The following QSOX2 variants were observed in gnomAD, a reference collection of about 807,000 sequenced individuals.
The protein encoded by QSOX2 is quiescin sulfhydryl oxidase 2.
QSOX2 carries 46 observed loss-of-function variants against 61.7 expected under a neutral mutation model. The ratio of observed to expected loss-of-function variants is 0.75; its 90% CI spans 0.59 to 0.95. QSOX2 has a LOEUF of 0.95. Among genes scored for constraint, QSOX2 ranks in the 40% least tolerant of loss-of-function variants. The probability of loss-of-function intolerance (pLI) is 0.00; values close to 1 mark genes in which losing one functional copy is unlikely to be tolerated. For missense variants in QSOX2, 879 were observed against 918.9 expected, an observed-to-expected ratio of 0.96 and a Z score of 0.56; for synonymous variants, 383 against 388.4, an observed-to-expected ratio of 0.99 and a Z score of 0.16.
rs983116431 is a variant in QSOX2, at chr9:136,211,566, A to T, written c.1361-114T>A. ...TCCTGACATGTCGGGAAGCCACCTC[A>T]TGTCTCCCCAGGGGCCTCAGGCTGT... On this transcript the variant is annotated intron_variant, in intron 10 of 11. Coordinates refer to ENST00000358701, the MANE Select transcript of QSOX2 (RefSeq NM_181701.4). 1.8e-5 allele frequency: 18 copies of T among 1,016,444 alleles called. No individual in the cohort carries two copies. In the African/African-American group the frequency reaches 2.7e-4, roughly 15 times the overall value. 63.0% of individuals were successfully genotyped at this position (1,016,444 alleles called of 1,614,324 possible). A position where few individuals can be genotyped will look rare whatever the true frequency, so the allele number is the denominator to read the frequency against.
rs145948763 is a variant in QSOX2, at chr9:136,211,374, C to G, written c.1439G>C (p.Gly480Ala). Residue 480 changes from glycine (G) to alanine (A), a missense_variant, in exon 11 of 12, where the codon GGT becomes GCT. Transcript: ENST00000358701. ...VHTFFGCKEC[G>A]EHFEEMAKES... is the part of the protein sequence containing the mutation. ...TTTAGCCATTTCCTCAAAGTGCTCA[C>G]CACATTCCTTACACCCAAAGAAGGT... 2.5e-5 allele frequency: 40 copies of G among 1,614,130 alleles called. No homozygotes were observed. Among genetic ancestry groups the G allele is most frequent in the East Asian group, 4.5e-5 (2 of 44,900 alleles).
intron 9 of QSOX2, among the ~76,000 whole-genome samples, chr9:136,216,322 C>T (rs181832883): frequency 6.6e-6 from 1 of 152,354 alleles, no homozygotes; most frequent in Admixed American, 6.5e-5. Flanking sequence ...TTAAAAAGCC[C>T]AACTACTACG....
rs929785099 is a variant in QSOX2, at chr9:136,223,890, A to C, written c.585-37T>G. 1.9e-5 allele frequency: 30 copies of C among 1,602,302 alleles called. No homozygotes were observed. The highest frequency in any genetic ancestry group is 2.4e-5 in the Non-Finnish European group (28 of 1,169,872). ...AAAAAAAGAGGCTTTTAGTGCCGTC[A>C]ACAGCAGCGAGTTGGCCACCACATC... On this transcript the variant is annotated intron_variant, in intron 4 of 11. Transcript: ENST00000358701. This position sits in a 1 kb window ranked among gnomAD's most constrained non-coding sequence, Gnocchi z 4.4.
Position 136,224,867 on chromosome 9 carries a change from A to C in QSOX2, c.472T>G (p.Phe158Val). ...FTKEFTTGEN[F>V]KGPDRELRTV... ...ACAATGCTTATGTCCTTACCTTTAAAATTTTCTCCAGTTGTAAACTCCTTT... is the reference window on the plus strand; with the variant it reads ...ACAATGCTTATGTCCTTACCTTTAACATTTTCTCCAGTTGTAAACTCCTTT... The change falls in exon 3 of 12, where the codon TTT (phenylalanine) becomes GTT (valine). Residue 158 changes from phenylalanine to valine, a missense_variant. Physicochemically the swap from Phe to Val is conservative, Grantham distance 50. Transcript: ENST00000358701. The C allele has an allele frequency of 6.3e-7, 1 of 1,596,544 alleles. No individual in the cohort carries two copies. Among genetic ancestry groups the C allele is most frequent in the Non-Finnish European group, 8.6e-7 (1 of 1,167,006 alleles).
intron 11 of QSOX2, chr9:136,210,565 C>G (rs190985714): frequency 1.4e-5 from 14 of 985,332 alleles, no homozygotes; most frequent in Non-Finnish European, 1.7e-5. Flanking sequence ...GAACAAACCC[C>G]GCAGACACAC....
intron 8 of QSOX2, among the ~76,000 whole-genome samples, chr9:136,218,187 G>A (rs989808428): frequency 2.0e-5 from 3 of 152,144 alleles, no homozygotes; most frequent in Non-Finnish European, 4.4e-5. Flanking sequence ...CCCCCTCAGT[G>A]GTCTCAGACA....
intron 7 of QSOX2, 102 bp from the exon 8 acceptor site, chr9:136,218,910 G>A (rs1395437997): frequency 6.4e-7 from 1 of 1,569,088 alleles, no homozygotes; most frequent in Non-Finnish European, 8.7e-7. Flanking sequence ...GCCCCTGGGA[G>A]GGCTCCTGAG....
intron 10 of QSOX2, among the ~76,000 whole-genome samples, chr9:136,214,362 C>T (rs577800617): frequency 1.1e-4 from 16 of 152,368 alleles, no homozygotes; most frequent in African/African-American, 3.6e-4. Context: ...ATGTCCTCCC[C>T]TTGCGAGTGG....
Position 136,221,861 on chromosome 9 carries a change from A to G in QSOX2, c.756T>C (p.Leu252=). 6.2e-7 allele frequency: 1 copy of G among 1,612,912 alleles called. No homozygotes were observed. The highest frequency in any genetic ancestry group is 8.5e-7 in the Non-Finnish European group (1 of 1,179,462). The part of the protein sequence containing the change: ...LDGDKAFLEK[L]GVSSVPSCYL... Reference sequence around the variant, plus strand: ...AACACGAAGGGACTGAAGAAACACCAAGTTTCTCCAGAAATGCTTTGTCCC... The same window carrying G: ...AACACGAAGGGACTGAAGAAACACCGAGTTTCTCCAGAAATGCTTTGTCCC... The change falls in exon 6 of 12, where the codon CTT becomes CTC. Residue 252 remains leucine (L), a synonymous_variant. Transcript: ENST00000358701. The surrounding 1 kb of genome is among the most constrained non-coding windows in gnomAD (Gnocchi z 4.5).
At chr9:136,211,075 A>C (rs1831838070) in intron 11 of QSOX2, among the ~76,000 whole-genome samples, 189 bp downstream of exon 11, 1 of 152,236 alleles carries the variant, frequency 6.6e-6, no homozygotes, top group South Asian at 2.1e-4. Context: ...CGGGGACAGA[A>C]GCAGCCTGGG....
Position 136,215,266 on chromosome 9 carries a change from A to G in QSOX2, c.1248T>C (p.Val416=), listed in dbSNP as rs202108603. The part of the protein sequence containing the change: ...GIFLTNHIKW[V]GCQGSRSELR... The stretch of plus-strand genomic sequence containing the variant: ...ACTCAGATCGGCTTCCTTGACATCC[A>G]ACCCACTTTATGTGATTAGTAAGGA... The change falls in exon 10 of 12, where the codon GTT becomes GTC. Residue 416 remains valine (V), a synonymous_variant. Coordinates refer to ENST00000358701, the MANE Select transcript of QSOX2 (RefSeq NM_181701.4). 1.4e-5 allele frequency: 23 copies of G among 1,614,024 alleles called. No individual in the cohort carries two copies. The East Asian group carries it at 4.7e-4, about 33-fold the overall frequency.
intron 1 of QSOX2, 42 bp downstream of exon 1, chr9:136,245,434 G>A (rs1830464167): frequency 1.3e-6 from 2 of 1,528,164 alleles, no homozygotes; most frequent in South Asian, 1.2e-5. Flanking sequence ...GAAGGCCGCG[G>A]TCCCGGGGGT....
Position 136,222,149 on chromosome 9 carries a change from T to C in QSOX2, c.676-208A>G, listed in dbSNP as rs1830223730. ...ACGCCATGAGCAGAAACCACGGTCT[T>C]ATTCGGCAATTTTACAAACTCATCA... On this transcript the variant is annotated intron_variant, in intron 5 of 11. Transcript: ENST00000358701. This position sits in a 1 kb window ranked among gnomAD's most constrained non-coding sequence, Gnocchi z 6.9. Among the ~76,000 whole-genome samples, 1 of 152,222 alleles carries C rather than the reference T, an allele frequency of 6.6e-6. No homozygotes were observed. The highest frequency in any genetic ancestry group is 2.4e-5 in the African/African-American group (1 of 41,472).
At chr9:136,227,349 G>A (rs955478746) in intron 1 of QSOX2, among the ~76,000 whole-genome samples, 1 of 152,184 alleles carries the variant, frequency 6.6e-6, no homozygotes, top group Non-Finnish European at 1.5e-5. Context: ...AGGCAAGGAT[G>A]CGTGCACAGA....
Position 136,218,690 on chromosome 9 carries a change from C to A in QSOX2, c.1075G>T (p.Val359Phe). 1 of 1,613,670 alleles carries A rather than the reference C, an allele frequency of 6.2e-7. No homozygotes were observed. Among genetic ancestry groups the A allele is most frequent in the Non-Finnish European group, 8.5e-7 (1 of 1,179,884 alleles). ...ELKTLKDFVT[V>F]LAKLFPGRPP... ...GCACCGTCCCAAACCTTGGCCAAGA[C>A]AGTCACAAAGTCCTTGAGCGTCTTC... The change falls in exon 8 of 12, where the codon GTC becomes TTC. Residue 359 changes from valine to phenylalanine, a missense_variant. Coordinates refer to ENST00000358701, the MANE Select transcript of QSOX2 (RefSeq NM_181701.4).
At chr9:136,241,666 A>T (rs1475119799) in intron 1 of QSOX2, among the ~76,000 whole-genome samples, 1 of 152,032 alleles carries the variant, frequency 6.6e-6, no homozygotes, top group Non-Finnish European at 1.5e-5. Context: ...ACGCAACCTC[A>T]CGTGCTATCA....
chr9:136,214,531 G>T (rs938971213), intron 10 of QSOX2, among the ~76,000 whole-genome samples: 11 of 152,216 alleles, frequency 7.2e-5, no homozygotes, highest in African/African-American at 2.4e-4. Context: ...TCAACAGCCA[G>T]CATGGAGCTC....
intron 10 of QSOX2, among the ~76,000 whole-genome samples, chr9:136,212,357 G>T (rs151131405): frequency 2.0e-5 from 3 of 152,228 alleles, no homozygotes; most frequent in African/African-American, 7.2e-5. Flanking sequence ...ACATGCTTTC[G>T]CGAATGAATC....
Position 136,215,251 on chromosome 9 carries a change from GCTTC to G in QSOX2, c.1259_1262del (p.Gly420AlafsTer5). On this transcript the variant is annotated frameshift_variant, in exon 10 of 12. Transcript: ENST00000358701. LOFTEE classifies it high-confidence loss of function. ...ACGGGTAACCCCTCAACTCAGATCG[GCTTC>G]CTTGACATCCAACCCACTTTATGTG... 1 of 1,614,038 alleles carries G rather than the reference GCTTC, an allele frequency of 6.2e-7. No homozygotes were observed. The highest frequency in any genetic ancestry group is 8.5e-7 in the Non-Finnish European group (1 of 1,180,004).
Sources: gnomAD v4.1 joint callset for allele counts (sites outside exome capture counted in the v4.1 genomes callset) on GRCh38, gnomAD v4.1.1 for gene constraint, Gnocchi (gnomAD v3.1) non-coding constraint, MANE v1.5 for transcripts, NCBI Gene and HGNC (gene_info 2026-07-23, HGNC 2026-07-21) for gene names.